TYW1B: variants seen among roughly 807,000 people sequenced by gnomAD.
The protein encoded by TYW1B is tRNA-yW synthesizing protein 1 homolog B.
TYW1B carries 73 observed loss-of-function variants against 86.9 expected under a neutral mutation model. That is an observed-to-expected ratio of 0.84 (90% CI 0.70 to 1.02). TYW1B has a LOEUF of 1.02. Among genes scored for constraint, TYW1B ranks in the 50% least tolerant of loss-of-function variants. The pLI is 0.00. For missense variants in TYW1B, 637 were observed against 827.4 expected, an observed-to-expected ratio of 0.77 and a Z score of 2.82; for synonymous variants, 248 against 292.8, an observed-to-expected ratio of 0.85 and a Z score of 1.56.
intron 10 of TYW1B, among the ~76,000 whole-genome samples, chr7:72,700,845 T>C (rs1814448826): frequency 1.3e-5 from 2 of 152,108 alleles, no homozygotes; most frequent in Non-Finnish European, 2.9e-5. Context: ...GGGGGGCAGA[T>C]CACTTGAGGT....
intron 9 of TYW1B, chr7:72,723,135 T>C: frequency 1.5e-6 from 1 of 657,546 alleles, no homozygotes; most frequent in South Asian, 3.3e-5. Flanking sequence ...GGCTTGTATA[T>C]AGATTATAAA....
chr7:72,779,408 T>C (rs1788011029), intron 6 of TYW1B, among the ~76,000 whole-genome samples: 1 of 152,306 alleles, frequency 6.6e-6, no homozygotes, highest in Non-Finnish European at 1.5e-5. Flanking sequence ...CTCCCATATA[T>C]AAAACAGATT....
intron 2 of TYW1B, among the ~76,000 whole-genome samples, chr7:72,823,646 G>A (rs1201280430): frequency 1.3e-5 from 2 of 151,588 alleles, no homozygotes; most frequent in East Asian, 3.9e-4. Context: ...AAAAATAAAT[G>A]AAATAAAATA....
chr7:72,711,631 G>A (rs1333836704), intron 10 of TYW1B, among the ~76,000 whole-genome samples: 1 of 150,684 alleles, frequency 6.6e-6, no homozygotes, highest in Middle Eastern at 3.2e-3. Context: ...CACCATGCCT[G>A]GCTTATTATT....
At chr7:72,659,027 A>G (rs1416257042) in intron 11 of TYW1B, among the ~76,000 whole-genome samples, 1 of 152,172 alleles carries the variant, frequency 6.6e-6, no homozygotes, top group African/African-American at 2.4e-5. Context: ...ACCCATAAAC[A>G]TAAGATTTAA....
chr7:72,773,126 T>C (rs1787895871), intron 7 of TYW1B, among the ~76,000 whole-genome samples: 1 of 152,316 alleles, frequency 6.6e-6, no homozygotes, highest in Admixed American at 6.5e-5. Flanking sequence ...TAACTCTTTA[T>C]ATTTTTCTCT....
rs551512029 is a variant in TYW1B, at chr7:72,815,806, G to A, written c.136-325C>T. ...TGTAATCCCAGCACTTTGGGAGGCT[G>A]AAGTGGGAGGACCACTTGAGGCCAA... is the stretch of plus-strand genomic sequence containing the variant. On this transcript the variant is annotated intron_variant, in intron 2 of 13. Coordinates refer to ENST00000620995, the MANE Select transcript of TYW1B (RefSeq NM_001145440.3). 2.6e-5 allele frequency among the ~76,000 whole-genome samples: 4 copies of A among 152,250 alleles called. No homozygotes were observed. The South Asian group carries it at 8.3e-4, about 32-fold the overall frequency.
Position 72,826,851 on chromosome 7 carries a change from T to G in TYW1B, c.135+4A>C, listed in dbSNP as rs570981203. The G allele has an allele frequency of 6.2e-7, 1 of 1,611,106 alleles. No individual in the cohort carries two copies. The highest frequency in any genetic ancestry group is 2.2e-5 in the East Asian group (1 of 44,820). ...ACTCTATTAAAAAAAATAACTCCAC[T>G]TACCTGCATCTCGATGACAATCTGG... On this transcript the variant is annotated splice_donor_region_variant and intron_variant, in intron 2 of 13. Transcript: ENST00000620995.
intron 12 of TYW1B, among the ~76,000 whole-genome samples, chr7:72,624,553 T>C (rs1483381984): frequency 1.3e-5 from 2 of 152,230 alleles, no homozygotes; most frequent in South Asian, 2.1e-4. Context: ...CTTTTGCGAC[T>C]ACAGCATCCA....
rs186091882 is a variant in TYW1B at position 72,805,684 on chromosome 7, T to C, written c.723+1382A>G. Reference sequence around the variant, plus strand: ...AGGTCATAGTAAGCATGAGAGGAACTTGAATTTCAGATGTGCCTATGTAAG... The same window carrying C: ...AGGTCATAGTAAGCATGAGAGGAACCTGAATTTCAGATGTGCCTATGTAAG... On this transcript the variant is annotated intron_variant, in intron 5 of 13. Coordinates refer to ENST00000620995, the MANE Select transcript of TYW1B (RefSeq NM_001145440.3). 3.3e-5 allele frequency among the ~76,000 whole-genome samples: 5 copies of C among 151,168 alleles called. No homozygotes were observed. In the East Asian group the frequency reaches 7.8e-4, roughly 24 times the overall value.
chr7:72,791,754 C>A (rs1245263242), intron 6 of TYW1B, among the ~76,000 whole-genome samples: 2 of 152,108 alleles, frequency 1.3e-5, no homozygotes, highest in African/African-American at 2.4e-5. Flanking sequence ...CTGGCCTGGG[C>A]AACAGAGAAA....
intron 13 of TYW1B, among the ~76,000 whole-genome samples, chr7:72,607,418 GAAGA>G (rs1317930221): frequency 7.3e-6 from 1 of 136,894 alleles, no homozygotes; most frequent in Admixed American, 7.4e-5. Flanking sequence ...AAGAAAAGAA[GAAGA>G]AAGAAGAAAG....
chr7:72,799,480 T>C (rs1479994799), intron 6 of TYW1B, among the ~76,000 whole-genome samples: 1 of 147,108 alleles, frequency 6.8e-6, no homozygotes, highest in East Asian at 2.0e-4. Context: ...CCTTTTTTTC[T>C]TTTGAGACGG....
intron 9 of TYW1B, among the ~76,000 whole-genome samples, chr7:72,727,165 G>A (rs1297012904): frequency 1.2e-4 from 19 of 152,104 alleles, no homozygotes; most frequent in Non-Finnish European, 2.4e-4. Flanking sequence ...ATAATATTAC[G>A]AATGAGTGGC....
chr7:72,616,632 G>T (rs782008421), intron 13 of TYW1B, 40 bp downstream of exon 13: 7 of 1,613,598 alleles, frequency 4.3e-6, no homozygotes, highest in Non-Finnish European at 3.4e-6. Flanking sequence ...AGAACAGCAG[G>T]GTCAGGGAAC....
intron 9 of TYW1B, among the ~76,000 whole-genome samples, chr7:72,724,760 T>C (rs1786967753): frequency 6.6e-6 from 1 of 152,180 alleles, no homozygotes; most frequent in East Asian, 1.9e-4. Flanking sequence ...AAAAAATCCA[T>C]TGTAGGAATT....
intron 11 of TYW1B, among the ~76,000 whole-genome samples, chr7:72,630,046 A>G (rs1334351939): frequency 6.6e-6 from 1 of 152,152 alleles, no homozygotes; most frequent in Admixed American, 6.5e-5. Context: ...TGGGAGGCCG[A>G]GGCAGGGGGA....
chr7:72,797,118 G>C (rs1448616967), intron 6 of TYW1B, among the ~76,000 whole-genome samples: 1 of 152,114 alleles, frequency 6.6e-6, no homozygotes, highest in Non-Finnish European at 1.5e-5. Context: ...TATATATCTG[G>C]TCTTTGACCC....
intron 11 of TYW1B, among the ~76,000 whole-genome samples, chr7:72,682,209 C>CT (rs797026433): frequency 5.9e-5 from 9 of 151,646 alleles, no homozygotes; most frequent in African/African-American, 1.9e-4. Context: ...ATATGACACT[C>CT]TGTTAACAAA....
Sources: gnomAD v4.1 joint callset for allele counts (sites outside exome capture counted in the v4.1 genomes callset) on GRCh38, gnomAD v4.1.1 for gene constraint, MANE v1.5 for transcripts, NCBI Gene and HGNC (gene_info 2026-07-23, HGNC 2026-07-21) for gene names.